Variants in LMO7 observed in about 807,000 individuals in gnomAD.
LMO7 encodes LIM domain 7.
A neutral mutation model predicts 206.5 loss-of-function variants in LMO7; 120 were observed. The observed-to-expected ratio is 0.58, with a 90% CI of 0.50 to 0.68. The LOEUF (loss-of-function observed/expected upper bound fraction) is 0.68, where lower values mean the gene tolerates loss of function less well. Among genes scored for constraint, LMO7 ranks in the 30% least tolerant of loss-of-function variants. The pLI is 0.00. For missense variants in LMO7, 1,959 were observed against 1,957.9 expected (o/e 1.00, Z -0.01); for synonymous variants, 706 against 681.5 (o/e 1.04, Z -0.56).
intron 28 of LMO7, among the ~76,000 whole-genome samples, chr13:75,854,488 A>AG (rs1043032555): frequency 6.6e-5 from 10 of 151,866 alleles, no homozygotes; most frequent in African/African-American, 2.4e-4. Flanking sequence ...GAGCAGAGGG[A>AG]GGGGCTGAGG....
chr13:75,735,588 A>C (rs901883390), intron 3 of LMO7, among the ~76,000 whole-genome samples: 5 of 151,098 alleles, frequency 3.3e-5, no homozygotes, highest in Non-Finnish European at 7.4e-5. Context: ...CAGCTTCCTG[A>C]GTAGCTGGGA....
Position 75,809,203 on chromosome 13 carries a change from G to T in LMO7, c.1946+20G>T. 1 of 1,605,622 alleles carries T rather than the reference G, an allele frequency of 6.2e-7. No individual in the cohort carries two copies. Among genetic ancestry groups the T allele is most frequent in the Non-Finnish European group, 8.5e-7 (1 of 1,173,026 alleles). ...GAATGGGTAAGTTGTGTGGTTCACA[G>T]TAAAAAATCTGTGCGTGTTGTTTGT... is the stretch of plus-strand genomic sequence containing the variant. On this transcript the variant is annotated intron_variant, in intron 11 of 30. Coordinates refer to ENST00000377534, the MANE Select transcript of LMO7 (RefSeq NM_001306080.2).
chr13:75,796,371 C>T (rs537819584), intron 5 of LMO7, among the ~76,000 whole-genome samples: 4 of 152,238 alleles, frequency 2.6e-5, no homozygotes, highest in Non-Finnish European at 5.9e-5. Context: ...TTTCCCTCTT[C>T]GTATATACTA....
At chr13:75,693,180 C>T (rs1293684206) in intron 1 of LMO7, among the ~76,000 whole-genome samples, 2 of 152,106 alleles carry the variant, frequency 1.3e-5, no homozygotes, top group Non-Finnish European at 2.9e-5. Context: ...GGAATATCAG[C>T]TTAGAGTTCA....
chr13:75,733,507 C>T (rs1048918637), intron 3 of LMO7, among the ~76,000 whole-genome samples: 12 of 152,272 alleles, frequency 7.9e-5, no homozygotes, highest in Middle Eastern at 3.4e-3. Context: ...GGGAGTGACC[C>T]GATTTTCCAG....
intron 3 of LMO7, among the ~76,000 whole-genome samples, chr13:75,733,406 C>T (rs1192186454): frequency 2.0e-5 from 3 of 152,242 alleles, no homozygotes; most frequent in Non-Finnish European, 4.4e-5. Context: ...CAGCAAGACT[C>T]CGTGGGCGTA....
At position 75,834,394 on chromosome 13, in the gene LMO7, TTG is replaced by T. The variant is rs2058944771; in HGVS notation, c.3226+11_3226+12del. 6.3e-6 allele frequency: 10 copies of T among 1,577,658 alleles called. No individual in the cohort carries two copies. The highest frequency in any genetic ancestry group is 8.6e-6 in the Non-Finnish European group (10 of 1,162,816). Reference sequence around the variant, plus strand: ...AGGCGCTATGGAAAGGCTGGTGAGTTTGTGTTACCACCATGTCTGGCATTTGA... The same window carrying T: ...AGGCGCTATGGAAAGGCTGGTGAGTTTGTTACCACCATGTCTGGCATTTGA... On this transcript the variant is annotated splice_region_variant and intron_variant, in intron 17 of 30. Transcript: ENST00000377534.
At chr13:75,843,505 A>C (rs957786555) in intron 25 of LMO7, among the ~76,000 whole-genome samples, 2 of 152,210 alleles carry the variant, frequency 1.3e-5, no homozygotes, top group Admixed American at 1.3e-4. Flanking sequence ...CATAATCTTC[A>C]TTTTAAAAAG....
intron 19 of LMO7, among the ~76,000 whole-genome samples, chr13:75,837,252 G>A (rs960646711): frequency 6.6e-6 from 1 of 152,078 alleles, no homozygotes; most frequent in African/African-American, 2.4e-5. Flanking sequence ...ATTTCTGATA[G>A]ACAGAAGTGA....
intron 13 of LMO7, 98 bp downstream of exon 13, chr13:75,819,633 C>A (rs2057380932): frequency 8.6e-7 from 1 of 1,165,188 alleles, no homozygotes; most frequent in African/African-American, 1.6e-5. Context: ...AGGTGTCCAC[C>A]AATATTCAAC....
intron 4 of LMO7, among the ~76,000 whole-genome samples, chr13:75,783,769 T>C (rs2051937920): frequency 6.6e-6 from 1 of 152,370 alleles, no homozygotes; most frequent in South Asian, 2.1e-4. Context: ...TGAGTATCTA[T>C]TAATGGTTTA....
rs2057565641 is a variant in LMO7 at position 75,821,490 on chromosome 13, T to C, written c.2521T>C (p.Ser841Pro). Residue 841 changes from serine (S) to proline (P), a missense_variant, in exon 14 of 31, where the codon TCA becomes CCA. Ser to Pro is a moderately conservative substitution (Grantham distance 74). Transcript: ENST00000377534. ...CACACAAATGGAATCAACTCGTGTT[T>C]CAGCTTCTCTCCCCAGAAGTTACCG... ...RSTQMESTRV[S>P]ASLPRSYRKT... 6.2e-7 allele frequency: 1 copy of C among 1,614,058 alleles called. No homozygotes were observed. Among genetic ancestry groups the C allele is most frequent in the East Asian group, 2.2e-5 (1 of 44,900 alleles).
intron 1 of LMO7, among the ~76,000 whole-genome samples, chr13:75,691,169 G>T (rs1326567580): frequency 1.3e-5 from 2 of 152,152 alleles, no homozygotes; most frequent in Non-Finnish European, 2.9e-5. Flanking sequence ...AACTGACTGA[G>T]AAAAGTGTTT....
chr13:75,634,729 C>G (rs867793313), upstream of LMO7, among the ~76,000 whole-genome samples: 1 of 148,660 alleles, frequency 6.7e-6, no homozygotes. Flanking sequence ...GGCGACAGAG[C>G]GAGACTCCTC....
rs1399403114 is a variant in LMO7, at chr13:75,807,723, T to C, written c.1440T>C (p.Ala480=). Reference sequence around the variant, plus strand: ...ATGCAAATCCATATGTTCTCCGAGCTTTTGAAGACTTTAGAAAGTTCTCTG... The same window carrying C: ...ATGCAAATCCATATGTTCTCCGAGCCTTTGAAGACTTTAGAAAGTTCTCTG... ...AFHANPYVLR[A]FEDFRKFSEQ... is the part of the protein sequence containing the mutation. Residue 480 remains alanine, a synonymous_variant, in exon 10 of 31, where the codon GCT becomes GCC. Coordinates refer to ENST00000377534, the MANE Select transcript of LMO7 (RefSeq NM_001306080.2). 1.2e-6 allele frequency: 2 copies of C among 1,614,024 alleles called. No individual in the cohort carries two copies. The highest frequency in any genetic ancestry group is 1.7e-5 in the Admixed American group (1 of 60,022).
intron 25 of LMO7, 130 bp from the exon 26 acceptor site, chr13:75,845,197 A>T: frequency 2.1e-6 from 1 of 486,428 alleles, no homozygotes. Flanking sequence ...GTTTAAACAT[A>T]ATTGCTCTCA....
chr13:75,836,585 G>A lies in LMO7; in HGVS notation c.3394+128G>A, dbSNP rs1481537785. 3 of 594,898 alleles carry A rather than the reference G, an allele frequency of 5.0e-6. No homozygotes were observed. The East Asian group carries it at 9.6e-5, about 19-fold the overall frequency. 36.9% of individuals were successfully genotyped at this position (594,898 alleles called of 1,614,324 possible). A position where few individuals can be genotyped will look rare whatever the true frequency, so the allele number is the denominator to read the frequency against. On this transcript the variant is annotated intron_variant, in intron 19 of 30. Transcript: ENST00000377534. ...ATCCACTGCAAGTTGAAACTAAAAG[G>A]TTAACACGCAGATCCAATTGCAGCC...
intron 13 of LMO7, 115 bp downstream of exon 13, chr13:75,819,650 C>A: frequency 3.9e-6 from 4 of 1,025,136 alleles, no homozygotes; most frequent in East Asian, 2.8e-5. Flanking sequence ...CAACTTTAGT[C>A]AAATATGCAA....
intron 27 of LMO7, 54 bp downstream of exon 27, chr13:75,849,346 A>G (rs924907307): frequency 1.5e-5 from 20 of 1,357,526 alleles, no homozygotes; most frequent in Non-Finnish European, 2.1e-5. Context: ...GCAGATATTT[A>G]ATTTGTAGAC....
Sources: allele counts gnomAD v4.1 joint callset (sites outside exome capture counted in the v4.1 genomes callset), GRCh38; gene constraint gnomAD v4.1.1; transcripts MANE v1.5; gene names NCBI Gene and HGNC (gene_info 2026-07-23, HGNC 2026-07-21).